The following PLPPR1 variants were observed in gnomAD, a reference collection of about 807,000 sequenced individuals.
The protein encoded by PLPPR1 is phospholipid phosphatase related 1, also known as phospholipid phosphatase-related protein type 1.
Under a neutral mutation model 33.1 loss-of-function variants are expected in PLPPR1, and 10 were observed. That is an observed-to-expected ratio of 0.30 (90% CI 0.19 to 0.51). The LOEUF (loss-of-function observed/expected upper bound fraction) is 0.51. PLPPR1 is among the 20% of genes least tolerant of loss of function. PLPPR1 has a pLI of 0.97. For synonymous variants in PLPPR1, 151 were observed against 151.0 expected, an observed-to-expected ratio of 1.00 and a Z score of 0.00; for missense variants, 304 against 408.1, an observed-to-expected ratio of 0.74 and a Z score of 2.20.
chr9:101,189,668 C>A (rs1158184455), intron 2 of PLPPR1, among the ~76,000 whole-genome samples: 1 of 152,058 alleles, frequency 6.6e-6, no homozygotes, highest in African/African-American at 2.4e-5. Context: ...AACTCTCAAC[C>A]ATTGCTGCTT....
At chr9:101,086,071 T>C (rs1487213430) in intron 1 of PLPPR1, among the ~76,000 whole-genome samples, 1 of 152,184 alleles carries the variant, frequency 6.6e-6, no homozygotes, top group Non-Finnish European at 1.5e-5. Context: ...GAGTGTTAGA[T>C]TTTATGAAAA....
chr9:101,277,064 G>A (rs1050483443), intron 3 of PLPPR1, among the ~76,000 whole-genome samples: 2 of 152,190 alleles, frequency 1.3e-5, no homozygotes, highest in African/African-American at 4.8e-5. Context: ...GGAGACATTG[G>A]CAGTTAGGGC....
chr9:101,032,805 TGAA>T (rs1027788414), intron 1 of PLPPR1, among the ~76,000 whole-genome samples: 51 of 152,266 alleles, frequency 3.3e-4, no homozygotes, highest in African/African-American at 1.2e-3. Context: ...GCTGCCCCTA[TGAA>T]GAAGAACTGT....
intron 1 of PLPPR1, among the ~76,000 whole-genome samples, chr9:101,180,361 A>G (rs1826088777): frequency 6.6e-6 from 1 of 151,302 alleles, no homozygotes; most frequent in Non-Finnish European, 1.5e-5. Flanking sequence ...CAAAATTCCA[A>G]TGTAATTTTT....
chr9:101,314,763 AAT>A (rs979468079), intron 6 of PLPPR1, among the ~76,000 whole-genome samples: 8 of 152,014 alleles, frequency 5.3e-5, no homozygotes, highest in South Asian at 2.1e-4. Flanking sequence ...AAAAAAAAAA[AAT>A]ATCTGCAACA....
chr9:101,311,923 AC>A (rs1179170354), intron 5 of PLPPR1, among the ~76,000 whole-genome samples: 11 of 152,330 alleles, frequency 7.2e-5, no homozygotes, highest in African/African-American at 2.6e-4. Flanking sequence ...AAGTGTACTT[AC>A]ATGAAAAAGG....
intron 1 of PLPPR1, among the ~76,000 whole-genome samples, chr9:101,157,062 G>T (rs1831705381): frequency 6.6e-6 from 1 of 152,070 alleles, no homozygotes. Context: ...ACATAAATAG[G>T]TTATTATACC....
At chr9:101,291,151 C>G (rs113376363) in intron 4 of PLPPR1, among the ~76,000 whole-genome samples, 1 of 152,230 alleles carries the variant, frequency 6.6e-6, no homozygotes, top group African/African-American at 2.4e-5. Flanking sequence ...TCACATGGCT[C>G]GGAGGGTCCT....
At chr9:101,306,413 C>T (rs1430505933) in intron 4 of PLPPR1, among the ~76,000 whole-genome samples, 1 of 152,214 alleles carries the variant, frequency 6.6e-6, no homozygotes, top group Admixed American at 6.5e-5. Context: ...CATCTGCTTC[C>T]TCACCTGCTC....
chr9:101,096,392 C>G (rs7866018), intron 1 of PLPPR1, among the ~76,000 whole-genome samples: 106,386 of 151,580 alleles, frequency 0.7, 37,449 homozygotes, highest in East Asian at 0.89. Flanking sequence ...TGAGTGAGTG[C>G]ACATATAATG....
At chr9:101,124,881 T>G (rs1042487520) in intron 1 of PLPPR1, among the ~76,000 whole-genome samples, 2 of 152,260 alleles carry the variant, frequency 1.3e-5, no homozygotes, top group African/African-American at 4.8e-5. Context: ...ACGAATGGAA[T>G]GCTTGTGCCA....
chr9:101,160,734 T>C (rs1831762032), intron 1 of PLPPR1, among the ~76,000 whole-genome samples: 2 of 152,112 alleles, frequency 1.3e-5, no homozygotes, highest in Non-Finnish European at 2.9e-5. Context: ...TAAATATTTA[T>C]GCAAAAATCG....
chr9:101,144,464 A>ATGATGG (rs1220034287), intron 1 of PLPPR1, among the ~76,000 whole-genome samples: 1 of 152,146 alleles, frequency 6.6e-6, no homozygotes, highest in African/African-American at 2.4e-5. Context: ...CCCTAATCCA[A>ATGATGG]TGATGGGTGT....
At chr9:101,214,146 A>G (rs1564177638) in intron 2 of PLPPR1, among the ~76,000 whole-genome samples, 1 of 152,358 alleles carries the variant, frequency 6.6e-6, no homozygotes, top group East Asian at 1.9e-4. Context: ...CTATCACTGA[A>G]GGACTGAAGG....
At chr9:101,119,551 C>T (rs984737935) in intron 1 of PLPPR1, among the ~76,000 whole-genome samples, 9 of 152,174 alleles carry the variant, frequency 5.9e-5, no homozygotes, top group South Asian at 2.1e-4. Context: ...ATAGATTCTT[C>T]GGAGAAAGAT....
At chr9:101,243,254 TATCC>T (rs1411073143) in intron 2 of PLPPR1, among the ~76,000 whole-genome samples, 2 of 151,988 alleles carry the variant, frequency 1.3e-5, no homozygotes, top group African/African-American at 4.8e-5. Context: ...TTGGGATTTT[TATCC>T]TCTAGAAAAA....
intron 1 of PLPPR1, among the ~76,000 whole-genome samples, chr9:101,044,011 G>A (rs1485378727): frequency 6.6e-6 from 1 of 152,086 alleles, no homozygotes; most frequent in Non-Finnish European, 1.5e-5. Context: ...AGATAAATAG[G>A]TGAGACTTAA....
chr9:101,039,821 A>C (rs767387814), intron 1 of PLPPR1, among the ~76,000 whole-genome samples: 1 of 151,836 alleles, frequency 6.6e-6, no homozygotes, highest in East Asian at 1.9e-4. Flanking sequence ...CCCATAATTT[A>C]GTCACCTCCC....
rs779624054 is a variant in PLPPR1 at position 101,305,353 on chromosome 9, C to A, written c.386-3858C>A. 2.4e-4 allele frequency among the ~76,000 whole-genome samples: 36 copies of A among 152,138 alleles called. 1 individual carries two copies. Among genetic ancestry groups the A allele is most frequent in the Non-Finnish European group, 3.7e-4 (25 of 68,026 alleles). The stretch of plus-strand genomic sequence containing the variant: ...CTTCAGTTTGGTGTCATTTGGCCAA[C>A]TTTCCATCTTTTTTCACTGTCGTCA... On this transcript the variant is annotated intron_variant, in intron 4 of 7. Coordinates refer to ENST00000374874, the MANE Select transcript of PLPPR1 (RefSeq NM_207299.2).
Sources: allele counts gnomAD v4.1 joint callset (sites outside exome capture counted in the v4.1 genomes callset), GRCh38; gene constraint gnomAD v4.1.1; transcripts MANE v1.5; gene names NCBI Gene and HGNC (gene_info 2026-07-23, HGNC 2026-07-21).